The following LIPG variants were observed in gnomAD, a reference collection of about 807,000 sequenced individuals.
The protein encoded by LIPG is endothelial lipase.
A neutral mutation model predicts 51.8 loss-of-function variants in LIPG; 34 were observed. The ratio of observed to expected loss-of-function variants is 0.66; its 90% CI spans 0.50 to 0.87. The LOEUF is 0.87. Among genes scored for constraint, LIPG ranks in the 40% least tolerant of loss-of-function variants. The pLI is 0.00. For synonymous variants in LIPG, 246 were observed against 246.1 expected (o/e 1.00, Z 0.00); for missense variants, 580 against 652.7 (o/e 0.89, Z 1.21).
chr18:49,574,376 T>C (rs2084693225), intron 4 of LIPG, among the ~76,000 whole-genome samples: 1 of 152,220 alleles, frequency 6.6e-6, no homozygotes, highest in Non-Finnish European at 1.5e-5. Context: ...ATCCGGGGAA[T>C]AAATATCTAT....
intron 4 of LIPG, among the ~76,000 whole-genome samples, chr18:49,570,511 C>T (rs942128536): frequency 6.6e-6 from 1 of 152,130 alleles, no homozygotes; most frequent in African/African-American, 2.4e-5. Context: ...CTGAACAATT[C>T]CTTTCCCTGC....
rs200435657 is a variant in LIPG, at chr18:49,565,316, G to A, written c.98-1G>A. 110 of 1,613,778 alleles carry A rather than the reference G, an allele frequency of 6.8e-5. No individual in the cohort carries two copies. On this transcript the variant is annotated splice_acceptor_variant, in intron 1 of 9. Transcript: ENST00000261292. LOFTEE classifies it high-confidence loss of function. ...ACCCACGCTCTGTTCTGTCTCCCCA[G>A]ATAAGCTCCACAAACCCAAAGCTAC...
chr18:49,562,708 G>A (rs1489623717), intron 1 of LIPG, among the ~76,000 whole-genome samples: 1 of 147,848 alleles, frequency 6.8e-6, no homozygotes, highest in Non-Finnish European at 1.5e-5. Flanking sequence ...CCAGCCAGCC[G>A]AGCGGCCTGG....
intron 9 of LIPG, among the ~76,000 whole-genome samples, chr18:49,587,067 G>C (rs1244193599): frequency 6.7e-6 from 1 of 148,246 alleles, no homozygotes; most frequent in Non-Finnish European, 1.5e-5. Flanking sequence ...TCAGGAGTTT[G>C]AGACCAGCCT....
chr18:49,582,601 C>G, intron 7 of LIPG, 119 bp downstream of exon 7: 1 of 1,327,674 alleles, frequency 7.5e-7, no homozygotes, highest in Non-Finnish European at 1.1e-6. Context: ...TCCGACTGCT[C>G]AGGGAGGAGC....
chr18:49,586,952 C>A (rs1395911308), intron 9 of LIPG, 102 bp downstream of exon 9: 2 of 846,534 alleles, frequency 2.4e-6, no homozygotes, highest in Non-Finnish European at 4.0e-6. Flanking sequence ...ATAGCATGAA[C>A]AAAACAGATA....
At chr18:49,589,295 A>AG (rs2084916559) in intron 9 of LIPG, 1 of 152,272 alleles carries the variant, frequency 6.6e-6, no homozygotes, top group Non-Finnish European at 1.5e-5. Context: ...CATCTAATTA[A>AG]GGGACTCAGT....
intron 4 of LIPG, among the ~76,000 whole-genome samples, chr18:49,573,937 T>C (rs2084689242): frequency 6.6e-6 from 1 of 152,186 alleles, no homozygotes; most frequent in Non-Finnish European, 1.5e-5. Context: ...TGGGATTGAC[T>C]TGTGCACTGT....
rs2084977878 is a variant in LIPG, at chr18:49,595,546, C to G, written c.*5024C>G. 6.6e-6 allele frequency: 1 copy of G among 152,026 alleles called. No individual in the cohort carries two copies. The highest frequency in any genetic ancestry group is 2.4e-5 in the African/African-American group (1 of 41,388). The allele number at this position is 152,026 out of a possible 1,614,324, so 9.4% of individuals were successfully genotyped here. ...GACAGTGTGAGACAAAAATAAAATC[C>G]TGGGTGGGCACGGTGGCTCACCCCT... On this transcript the variant is annotated 3_prime_UTR_variant, in exon 10 of 10. Coordinates refer to ENST00000261292, the MANE Select transcript of LIPG (RefSeq NM_006033.4).
rs2084704886 is a variant in LIPG, at chr18:49,575,398, G to C, written c.601G>C (p.Gly201Arg). ...GGATCCTGCCGGGCCCATGTTTGAA[G>C]GGGCCGACATCCACAAGAGGCTCTC... ...GLDPAGPMFE[G>R]ADIHKRLSPD... The change falls in exon 5 of 10, where the codon GGG becomes CGG. Residue 201 changes from glycine to arginine, a missense_variant. Transcript: ENST00000261292. 6.2e-7 allele frequency: 1 copy of C among 1,613,284 alleles called. No individual in the cohort carries two copies. Among genetic ancestry groups the C allele is most frequent in the Non-Finnish European group, 8.5e-7 (1 of 1,180,016 alleles).
chr18:49,582,366 C>T lies in LIPG; in HGVS notation c.1041C>T (p.Tyr347=). 4 of 1,614,172 alleles carry T rather than the reference C, an allele frequency of 2.5e-6. No individual in the cohort carries two copies. Among genetic ancestry groups the T allele is most frequent in the East Asian group, 2.2e-5 (1 of 44,890 alleles). ...TTTGTTCTGCTGTCACTGCAGTTTA[C>T]CATTATCAGATGAAAATCCATGTCT... ...KTRAGMPFRV[Y]HYQMKIHVFS... Residue 347 remains tyrosine, a synonymous_variant, in exon 7 of 10, where the codon TAC becomes TAT. Transcript: ENST00000261292.
At position 49,595,017 on chromosome 18, in the gene LIPG, G is replaced by T. The variant is rs892098192; in HGVS notation, c.*4495G>T. 12 of 152,188 alleles carry T rather than the reference G, an allele frequency of 7.9e-5. No individual in the cohort carries two copies. The highest frequency in any genetic ancestry group is 2.7e-4 in the African/African-American group (11 of 41,438). The allele number at this position is 152,188 out of a possible 1,614,324, so 9.4% of individuals were successfully genotyped here. A position where few individuals can be genotyped will look rare whatever the true frequency, so the allele number is the denominator to read the frequency against. ...GGGGAACTTCCACAGGACTTCCTTT[G>T]ACTCTCCAAACAAGCTGAAGCCCCA... On this transcript the variant is annotated 3_prime_UTR_variant, in exon 10 of 10. Transcript: ENST00000261292.
At position 49,566,187 on chromosome 18, in the gene LIPG, T is replaced by C. The variant is rs139699982; in HGVS notation, c.279+689T>C. 2.0e-4 allele frequency among the ~76,000 whole-genome samples: 30 copies of C among 152,328 alleles called. No individual in the cohort carries two copies. In the East Asian group the frequency reaches 5.0e-3, roughly 25 times the overall value. On this transcript the variant is annotated intron_variant, in intron 2 of 9. Coordinates refer to ENST00000261292, the MANE Select transcript of LIPG (RefSeq NM_006033.4). ...CCTCCTCTTAATGATGAGAAATTCA[T>C]ATCTGTTACATGCTTTTGGGGTCTT...
intron 5 of LIPG, among the ~76,000 whole-genome samples, chr18:49,577,914 G>C (rs1421997505): frequency 9.3e-5 from 10 of 107,538 alleles, no homozygotes; most frequent in African/African-American, 3.9e-4. Flanking sequence ...TCCCAGTAGG[G>C]GTGGGCGGGC....
intron 5 of LIPG, among the ~76,000 whole-genome samples, chr18:49,576,947 T>C (rs1370611297): frequency 2.6e-5 from 4 of 152,208 alleles, no homozygotes; most frequent in Non-Finnish European, 1.5e-5. Flanking sequence ...GCACACAGAT[T>C]TACTAACATT....
At position 49,595,340 on chromosome 18, in the gene LIPG, A is replaced by T. The variant is rs577902830; in HGVS notation, c.*4818A>T. The T allele has an allele frequency of 1.3e-5, 2 of 152,344 alleles. No homozygotes were observed. The highest frequency in any genetic ancestry group is 6.5e-5 in the Admixed American group (1 of 15,302). The allele number at this position is 152,344 out of a possible 1,614,324, so 9.4% of individuals were successfully genotyped here. ...CTGGGAAAAGAGCAGTTAGTTTGGA[A>T]TCAGAATTCTTGGTGTGTCATCCAG... On this transcript the variant is annotated 3_prime_UTR_variant, in exon 10 of 10. Transcript: ENST00000261292.
chr18:49,575,285 A>G, intron 4 of LIPG, 84 bp from the exon 5 acceptor site: 1 of 1,046,408 alleles, frequency 9.6e-7, no homozygotes, highest in South Asian at 1.3e-5. Context: ...TTCATTCTGC[A>G]CACTCAGACT....
rs2084943963 is a variant in LIPG, at chr18:49,591,545, C to T, written c.*1023C>T. The stretch of plus-strand genomic sequence containing the variant: ...TAGAAGTTATGACATATGTAATACA[C>T]ATCTGTGTACACAGAAACCGGCACC... On this transcript the variant is annotated 3_prime_UTR_variant, in exon 10 of 10. Transcript: ENST00000261292. The T allele has an allele frequency of 6.6e-6, 1 of 152,082 alleles. No individual in the cohort carries two copies. Among genetic ancestry groups the T allele is most frequent in the Admixed American group, 6.5e-5 (1 of 15,268 alleles). 9.4% of individuals were successfully genotyped at this position (152,082 alleles called of 1,614,324 possible).
intron 1 of LIPG, 60 bp downstream of exon 1, chr18:49,562,465 T>C (rs1230935793): frequency 7.1e-7 from 1 of 1,407,120 alleles, no homozygotes; most frequent in East Asian, 2.3e-5. Context: ...CCCCTCTGTC[T>C]TGCTGATTCT....
Sources: allele counts gnomAD v4.1 joint callset (sites outside exome capture counted in the v4.1 genomes callset), GRCh38; gene constraint gnomAD v4.1.1; transcripts MANE v1.5; gene names NCBI Gene and HGNC (gene_info 2026-07-23, HGNC 2026-07-21).